FLT1: variants seen among roughly 807,000 people sequenced by gnomAD.
FLT1 encodes the protein fms related receptor tyrosine kinase 1.
FLT1 carries 49 observed loss-of-function variants against 156.3 expected under a neutral mutation model. The observed-to-expected ratio is 0.31, with a 90% CI of 0.25 to 0.40. FLT1 has a LOEUF of 0.40. Ranked by LOEUF, FLT1 falls within the 10% of genes least tolerant of loss-of-function variation. The probability of loss-of-function intolerance (pLI) is 1.00; values close to 1 mark genes in which losing one functional copy is unlikely to be tolerated. For missense variants in FLT1, 1,322 were observed against 1,637.2 expected (o/e 0.81, Z 3.32); for synonymous variants, 594 against 583.8 (o/e 1.02, Z -0.25).
chr13:28,488,190 G>A (rs934351283), intron 1 of FLT1, among the ~76,000 whole-genome samples: 1 of 152,134 alleles, frequency 6.6e-6, no homozygotes, highest in South Asian at 2.1e-4. Context: ...TTGAGGCCAT[G>A]AGTTCAAGAC....
chr13:28,402,326 C>A (rs1432022090), intron 11 of FLT1, among the ~76,000 whole-genome samples: 2 of 152,088 alleles, frequency 1.3e-5, no homozygotes, highest in African/African-American at 4.8e-5. Flanking sequence ...AAAATAAAAA[C>A]AGTTTTAATT....
chr13:28,466,820 G>A, intron 3 of FLT1, 83 bp downstream of exon 3: 1 of 981,684 alleles, frequency 1.0e-6, no homozygotes, highest in South Asian at 1.3e-5. Flanking sequence ...CACTAGGAAA[G>A]CAACCTTTCC....
intron 10 of FLT1, among the ~76,000 whole-genome samples, chr13:28,414,249 C>T (rs1222982807): frequency 2.0e-5 from 3 of 152,172 alleles, no homozygotes; most frequent in Admixed American, 6.5e-5. Flanking sequence ...CACTTCTTCT[C>T]GCTCTTGACA....
intron 10 of FLT1, among the ~76,000 whole-genome samples, chr13:28,420,932 G>T (rs557467720): frequency 6.6e-6 from 1 of 151,914 alleles, no homozygotes; most frequent in Admixed American, 6.6e-5. Flanking sequence ...AGCCCCTCTC[G>T]GAAGCCCTTC....
intron 14 of FLT1, among the ~76,000 whole-genome samples, chr13:28,372,942 T>C (rs182480653): frequency 6.6e-6 from 1 of 152,084 alleles, no homozygotes; most frequent in East Asian, 1.9e-4. Context: ...TAGCCCTTTT[T>C]ACCTCTTTCT....
chr13:28,434,648 C>T (rs1002859479), intron 4 of FLT1, among the ~76,000 whole-genome samples: 4 of 152,124 alleles, frequency 2.6e-5, no homozygotes, highest in African/African-American at 4.8e-5. Flanking sequence ...TTTGGGAGGC[C>T]GAGGTGGGCG....
intron 14 of FLT1, among the ~76,000 whole-genome samples, chr13:28,361,140 G>A (rs1326527125): frequency 3.3e-5 from 5 of 151,810 alleles, no homozygotes; most frequent in Admixed American, 1.3e-4. Flanking sequence ...TTAGCCGGGC[G>A]TGGTGGCTCA....
chr13:28,458,003 T>C (rs1217813159), intron 3 of FLT1, among the ~76,000 whole-genome samples: 3 of 146,502 alleles, frequency 2.0e-5, no homozygotes, highest in Non-Finnish European at 3.0e-5. Flanking sequence ...GGCGCAATCT[T>C]GGCTCACTGC....
Position 28,322,239 on chromosome 13 carries a change from A to C in FLT1, c.3051+23T>G. ...TGTGTCCAGCCCTGGCAGAGAAGAA[A>C]AACAGTAAACAGCAAGACTGACCTT... On this transcript the variant is annotated intron_variant, in intron 22 of 29. Coordinates refer to ENST00000282397, the MANE Select transcript of FLT1 (RefSeq NM_002019.4). The surrounding 1 kb of genome is among the most constrained non-coding windows in gnomAD (Gnocchi z 4.3). The C allele has an allele frequency of 6.9e-7, 1 of 1,445,770 alleles. No individual in the cohort carries two copies. The highest frequency in any genetic ancestry group is 9.7e-7 in the Non-Finnish European group (1 of 1,026,280). 89.6% of individuals were successfully genotyped at this position (1,445,770 alleles called of 1,614,324 possible).
chr13:28,453,671 G>A (rs148048033), intron 3 of FLT1, among the ~76,000 whole-genome samples: 11 of 152,268 alleles, frequency 7.2e-5, no homozygotes, highest in East Asian at 5.8e-4. Context: ...TCGTGATTTA[G>A]TCACATGACA....
chr13:28,465,498 A>G (rs1166855233), intron 3 of FLT1, among the ~76,000 whole-genome samples: 5 of 152,152 alleles, frequency 3.3e-5, no homozygotes, highest in African/African-American at 1.2e-4. Context: ...GGATATGTAC[A>G]TGTTATGCTC....
At chr13:28,420,527 T>C (rs1486356665) in intron 10 of FLT1, among the ~76,000 whole-genome samples, 1 of 152,212 alleles carries the variant, frequency 6.6e-6, no homozygotes, top group Non-Finnish European at 1.5e-5. Flanking sequence ...ATGAGGTATG[T>C]GACCGTATTT....
intron 10 of FLT1, among the ~76,000 whole-genome samples, chr13:28,412,180 G>A (rs1330695737): frequency 6.6e-6 from 1 of 152,190 alleles, no homozygotes; most frequent in East Asian, 1.9e-4. Flanking sequence ...CTGTAGCAGG[G>A]CCTGATGTAA....
chr13:28,492,687 T>C (rs1435727047), intron 1 of FLT1, among the ~76,000 whole-genome samples: 1 of 152,202 alleles, frequency 6.6e-6, no homozygotes, highest in South Asian at 2.1e-4. Context: ...TGGGGAACCG[T>C]GGCTTCTTAC....
chr13:28,490,250 A>C (rs1299496020), intron 1 of FLT1, among the ~76,000 whole-genome samples: 7 of 152,218 alleles, frequency 4.6e-5, no homozygotes, highest in Non-Finnish European at 1.0e-4. Context: ...AGTTCCTCAA[A>C]GAGCTCAAAA....
chr13:28,480,585 G>T (rs1192686848), intron 1 of FLT1, among the ~76,000 whole-genome samples: 1 of 152,178 alleles, frequency 6.6e-6, no homozygotes, highest in African/African-American at 2.4e-5. Flanking sequence ...AAATAGCAGG[G>T]TCTCTTTCTC....
intron 25 of FLT1, among the ~76,000 whole-genome samples, chr13:28,313,077 C>G (rs1431532616): frequency 1.3e-5 from 2 of 152,116 alleles, no homozygotes; most frequent in Middle Eastern, 3.2e-3. Context: ...CTCCCAGGTT[C>G]AAGCGATCCT....
chr13:28,458,721 C>T lies in FLT1; in HGVS notation c.388+8182G>A, dbSNP rs536907631. 1.2e-3 allele frequency among the ~76,000 whole-genome samples: 178 copies of T among 152,282 alleles called. 1 individual carries two copies. Among genetic ancestry groups the T allele is most frequent in the Non-Finnish European group, 1.9e-3 (128 of 68,014 alleles). ...AGAAGGGAAATGTGACATGTCAGGG[C>T]TTAAAGATATCAAGAATGTCTTCCA... is the stretch of plus-strand genomic sequence containing the variant. On this transcript the variant is annotated intron_variant, in intron 3 of 29. Coordinates refer to ENST00000282397, the MANE Select transcript of FLT1 (RefSeq NM_002019.4).
chr13:28,469,084 C>A (rs1213929627), intron 1 of FLT1, among the ~76,000 whole-genome samples: 2 of 152,196 alleles, frequency 1.3e-5, no homozygotes, highest in Non-Finnish European at 2.9e-5. Context: ...TCCCCTCTTC[C>A]CAGGCAGCTG....
Sources: gnomAD v4.1 joint callset for allele counts (sites outside exome capture counted in the v4.1 genomes callset) on GRCh38, gnomAD v4.1.1 for gene constraint, Gnocchi (gnomAD v3.1) non-coding constraint, MANE v1.5 for transcripts, NCBI Gene and HGNC (gene_info 2026-07-23, HGNC 2026-07-21) for gene names.